TSTD2: variants seen among roughly 807,000 people sequenced by gnomAD.
The protein encoded by TSTD2 is thiosulfate sulfurtransferase/rhodanese-like domain-containing protein 2.
TSTD2 carries 37 observed loss-of-function variants against 47.9 expected under a neutral mutation model. The ratio of observed to expected loss-of-function variants is 0.77; its 90% CI spans 0.59 to 1.02. TSTD2 has a LOEUF of 1.02. Among genes scored for constraint, TSTD2 ranks in the 50% least tolerant of loss-of-function variants. TSTD2 has a pLI of 0.00. For missense variants in TSTD2, 586 were observed against 616.0 expected (o/e 0.95, Z 0.52); for synonymous variants, 201 against 215.9 (o/e 0.93, Z 0.61).
In TSTD2 at chr9:97,601,214, C is replaced by A; in HGVS notation, c.*1255G>T. 1 of 1,283,938 alleles carries A rather than the reference C, an allele frequency of 7.8e-7. No homozygotes were observed. The highest frequency in any genetic ancestry group is 1.3e-5 in the South Asian group (1 of 77,796). The allele number at this position is 1,283,938 out of a possible 1,614,324, so 79.5% of individuals were successfully genotyped here. A position where few individuals can be genotyped will look rare whatever the true frequency, so the allele number is the denominator to read the frequency against. ...ACAATTGCAGCTGCATTCTGCATCG[C>A]TGAAAACTGCAATATAATATTAAAT... On this transcript the variant is annotated 3_prime_UTR_variant, in exon 10 of 10. Transcript: ENST00000341170.
At chr9:97,625,637 A>G (rs1172038278) in intron 3 of TSTD2, 44 bp downstream of exon 3, 2 of 1,548,484 alleles carry the variant, frequency 1.3e-6, no homozygotes, top group Non-Finnish European at 1.7e-6. Flanking sequence ...TTGTGGTTGG[A>G]AAAATACTTT....
At chr9:97,631,384 G>T (rs1231190902) in intron 1 of TSTD2, among the ~76,000 whole-genome samples, 1 of 152,114 alleles carries the variant, frequency 6.6e-6, no homozygotes, top group Admixed American at 6.5e-5. Flanking sequence ...GACTCCCAAA[G>T]TGCTAGGATT....
chr9:97,618,992 GT>G (rs1184702422), intron 3 of TSTD2, among the ~76,000 whole-genome samples: 2 of 152,042 alleles, frequency 1.3e-5, no homozygotes, highest in East Asian at 3.9e-4. Context: ...CTTTTTCGTT[GT>G]TTTTCTAACT....
rs1214156224 is a variant in TSTD2, at chr9:97,617,770, T to G, written c.590A>C (p.His197Pro). The G allele has an allele frequency of 6.2e-7, 1 of 1,613,824 alleles. No homozygotes were observed. Among genetic ancestry groups the G allele is most frequent in the Non-Finnish European group, 8.5e-7 (1 of 1,179,912 alleles). Residue 197 changes from histidine (H) to proline (P), a missense_variant, in exon 4 of 10, where the codon CAC (histidine) becomes CCC (proline). Coordinates refer to ENST00000341170, the MANE Select transcript of TSTD2 (RefSeq NM_139246.5). ...AGAAGGTGTTACCTTGCCTGTGAGG[T>G]GCAGGTGCTGACACAGAGCTGTCTG... ...AWQTALCQHLHLTGKIRIAAE... is the reference protein window; with the variant it reads ...AWQTALCQHLPLTGKIRIAAE...
chr9:97,626,979 A>C (rs1256914333), intron 2 of TSTD2, among the ~76,000 whole-genome samples: 3 of 152,054 alleles, frequency 2.0e-5, no homozygotes, highest in South Asian at 2.1e-4. Flanking sequence ...TTTCCTGCTT[A>C]ATCTATTTGT....
chr9:97,601,282 G>A lies in TSTD2; in HGVS notation c.*1187C>T. The stretch of plus-strand genomic sequence containing the variant: ...GCTGCGTATGTGTTTCTTGGAACCT[G>A]TGTGACAGGGACATGTGCCTGGCAC... On this transcript the variant is annotated 3_prime_UTR_variant, in exon 10 of 10. Coordinates refer to ENST00000341170, the MANE Select transcript of TSTD2 (RefSeq NM_139246.5). The A allele has an allele frequency of 8.4e-7, 1 of 1,193,076 alleles. No individual in the cohort carries two copies. The highest frequency in any genetic ancestry group is 1.1e-6 in the Non-Finnish European group (1 of 934,520). The allele number at this position is 1,193,076 out of a possible 1,614,324, so 73.9% of individuals were successfully genotyped here.
intron 2 of TSTD2, chr9:97,627,161 G>T: frequency 1.6e-6 from 1 of 624,796 alleles, no homozygotes. Flanking sequence ...CTGGGGGGTG[G>T]GGAATGAAAT....
chr9:97,616,815 T>C (rs1378743656), intron 4 of TSTD2, among the ~76,000 whole-genome samples: 1 of 152,226 alleles, frequency 6.6e-6, no homozygotes, highest in Non-Finnish European at 1.5e-5. Context: ...ATGTGTATAA[T>C]GTAATCAGAG....
At chr9:97,626,462 T>C (rs1045391647) in intron 2 of TSTD2, among the ~76,000 whole-genome samples, 2 of 152,212 alleles carry the variant, frequency 1.3e-5, no homozygotes, top group African/African-American at 2.4e-5. Flanking sequence ...TTATGCAATG[T>C]AATCTTAACC....
intron 3 of TSTD2, among the ~76,000 whole-genome samples, chr9:97,619,377 A>G (rs1826595049): frequency 6.6e-6 from 1 of 152,178 alleles, no homozygotes. Flanking sequence ...TTGTGCCTCT[A>G]GCACTCATGC....
chr9:97,619,460 C>G (rs573313623), intron 3 of TSTD2, among the ~76,000 whole-genome samples: 1 of 152,072 alleles, frequency 6.6e-6, no homozygotes, highest in Non-Finnish European at 1.5e-5. Flanking sequence ...ACCTTTATGA[C>G]GAACCATTTA....
Position 97,602,296 on chromosome 9 carries a change from T to C in TSTD2, c.*173A>G. ...AAATCAGAATGTCTCAGGTAAGTGG[T>C]AGACAACGTGACTCCTCCCCTCCCG... is the stretch of plus-strand genomic sequence containing the variant. On this transcript the variant is annotated 3_prime_UTR_variant, in exon 10 of 10. Coordinates refer to ENST00000341170, the MANE Select transcript of TSTD2 (RefSeq NM_139246.5). The C allele has an allele frequency of 1.4e-6, 1 of 708,278 alleles. No homozygotes were observed. The allele number at this position is 708,278 out of a possible 1,614,324, so 43.9% of individuals were successfully genotyped here. A position where few individuals can be genotyped will look rare whatever the true frequency, so the allele number is the denominator to read the frequency against.
intron 9 of TSTD2, among the ~76,000 whole-genome samples, chr9:97,603,554 A>G (rs1826309059): frequency 1.3e-5 from 2 of 152,188 alleles, no homozygotes; most frequent in Admixed American, 6.5e-5. Context: ...CTAAAATGAA[A>G]ATAAGACCAA....
chr9:97,605,164 C>T lies in TSTD2; in HGVS notation c.1114-299G>A, dbSNP rs561363214. 4.6e-5 allele frequency among the ~76,000 whole-genome samples: 7 copies of T among 152,256 alleles called. No individual in the cohort carries two copies. The South Asian group carries it at 1.5e-3, about 32-fold the overall frequency. On this transcript the variant is annotated intron_variant, in intron 8 of 9. Transcript: ENST00000341170. Reference sequence around the variant, plus strand: ...CTGCCCCCTAAATATAGGAAGACACCTGTTGGGACATGTAATGTTACTGAA... The same window carrying T: ...CTGCCCCCTAAATATAGGAAGACACTTGTTGGGACATGTAATGTTACTGAA...
chr9:97,601,163 A>G lies in TSTD2; in HGVS notation c.*1306T>C. 6.9e-6 allele frequency: 9 copies of G among 1,301,878 alleles called. No individual in the cohort carries two copies. The highest frequency in any genetic ancestry group is 9.1e-6 in the Non-Finnish European group (9 of 988,032). 80.6% of individuals were successfully genotyped at this position (1,301,878 alleles called of 1,614,324 possible). On this transcript the variant is annotated 3_prime_UTR_variant, in exon 10 of 10. Transcript: ENST00000341170. ...GTGGCACCATGTTGCAGGGACAACC[A>G]TCCCCATTTGGCTTCTCCTTAAAAC...
intron 1 of TSTD2, among the ~76,000 whole-genome samples, chr9:97,629,723 T>C (rs949002261): frequency 2.6e-5 from 4 of 152,032 alleles, no homozygotes; most frequent in Non-Finnish European, 5.9e-5. Context: ...AGCTGTTTTA[T>C]TGTAAAGGTA....
Position 97,600,446 on chromosome 9 carries a change from T to C in TSTD2, c.*2023A>G. Reference sequence around the variant, plus strand: ...ATTTATGTACAATTTAATACTGGAGTTAGAACTTTTTCCTTATTGAATGCC... The same window carrying C: ...ATTTATGTACAATTTAATACTGGAGCTAGAACTTTTTCCTTATTGAATGCC... On this transcript the variant is annotated 3_prime_UTR_variant, in exon 10 of 10. Coordinates refer to ENST00000341170, the MANE Select transcript of TSTD2 (RefSeq NM_139246.5). The C allele has an allele frequency of 1.0e-6, 1 of 985,596 alleles. No individual in the cohort carries two copies. The highest frequency in any genetic ancestry group is 1.2e-6 in the Non-Finnish European group (1 of 830,068). 61.1% of individuals were successfully genotyped at this position (985,596 alleles called of 1,614,324 possible).
At position 97,611,715 on chromosome 9, in the gene TSTD2, G is replaced by T. The variant is rs1270749690; in HGVS notation, c.604-16C>A. On this transcript the variant is annotated splice_polypyrimidine_tract_variant and intron_variant, in intron 4 of 9. Transcript: ENST00000341170. ...CAATTCGAATCTGAGACACAAGACGGTGAAAAAGAGAACAGATTGTTCTTA... is the reference window on the plus strand; with the variant it reads ...CAATTCGAATCTGAGACACAAGACGTTGAAAAAGAGAACAGATTGTTCTTA... 2 of 1,593,746 alleles carry T rather than the reference G, an allele frequency of 1.3e-6. No individual in the cohort carries two copies. The highest frequency in any genetic ancestry group is 1.7e-6 in the Non-Finnish European group (2 of 1,163,438).
rs1826271214 is a variant in TSTD2, at chr9:97,602,049, G to C, written c.*420C>G. 6.1e-6 allele frequency: 1 copy of C among 162,998 alleles called. No homozygotes were observed. Among genetic ancestry groups the C allele is most frequent in the South Asian group, 2.0e-4 (1 of 5,090 alleles). The allele number at this position is 162,998 out of a possible 1,614,324, so 10.1% of individuals were successfully genotyped here. Reference sequence around the variant, plus strand: ...AGACAGAGGTTAAGGGTAGATGGCAGATGACCTAAGTGGCTTGTTTTAGGA... The same window carrying C: ...AGACAGAGGTTAAGGGTAGATGGCACATGACCTAAGTGGCTTGTTTTAGGA... On this transcript the variant is annotated 3_prime_UTR_variant, in exon 10 of 10. Transcript: ENST00000341170.
Sources: allele counts gnomAD v4.1 joint callset (sites outside exome capture counted in the v4.1 genomes callset), GRCh38; gene constraint gnomAD v4.1.1; transcripts MANE v1.5; gene names NCBI Gene and HGNC (gene_info 2026-07-23, HGNC 2026-07-21).